UNC13C: variants seen among roughly 807,000 people sequenced by gnomAD.
The protein encoded by UNC13C is protein unc-13 homolog C.
UNC13C carries 174 observed loss-of-function variants against 245.4 expected under a neutral mutation model. That is an observed-to-expected ratio of 0.71 (90% CI 0.63 to 0.80). The LOEUF (loss-of-function observed/expected upper bound fraction) is 0.80, where lower values mean the gene tolerates loss of function less well. UNC13C is among the 30% of genes least tolerant of loss of function. The probability of loss-of-function intolerance (pLI) is 0.00; values close to 1 mark genes in which losing one functional copy is unlikely to be tolerated. For synonymous variants in UNC13C, 992 were observed against 895.1 expected (o/e 1.11, Z -1.93); for missense variants, 2,829 against 2,602.9 (o/e 1.09, Z -1.89).
chr15:54,396,479 T>G (rs79474451), intron 18 of UNC13C, among the ~76,000 whole-genome samples: 2,533 of 151,814 alleles, frequency 0.017, 62 homozygotes, highest in African/African-American at 0.059. Context: ...TATTTTTGAG[T>G]AGTATTCCAT....
intron 2 of UNC13C, among the ~76,000 whole-genome samples, chr15:54,096,911 TGA>T (rs1234337701): frequency 3.3e-5 from 5 of 152,202 alleles, no homozygotes; most frequent in Non-Finnish European, 1.5e-5. Context: ...CTATTTTAGG[TGA>T]GAGAGAGGAT....
chr15:54,593,213 G>T (rs1440912582), intron 30 of UNC13C, among the ~76,000 whole-genome samples: 5 of 152,100 alleles, frequency 3.3e-5, no homozygotes, highest in Non-Finnish European at 7.4e-5. Context: ...TAGGTTACCT[G>T]GTGCTTCTGT....
chr15:54,311,808 A>G (rs1004066887), intron 13 of UNC13C, among the ~76,000 whole-genome samples: 2 of 151,792 alleles, frequency 1.3e-5, no homozygotes, highest in East Asian at 1.9e-4. Context: ...TTCTTGTTCA[A>G]TGATATTTTA....
At chr15:54,451,870 C>T (rs898547404) in intron 19 of UNC13C, among the ~76,000 whole-genome samples, 1 of 152,024 alleles carries the variant, frequency 6.6e-6, no homozygotes, top group African/African-American at 2.4e-5. Context: ...ATCTGTGCAC[C>T]TGATATAACA....
chr15:54,142,880 G>T (rs2032087249), intron 2 of UNC13C, 138 bp from the exon 3 acceptor site: 3 of 720,796 alleles, frequency 4.2e-6, no homozygotes, highest in South Asian at 1.9e-5. Flanking sequence ...GTACCCTTGG[G>T]CTCAACCTTG....
intron 30 of UNC13C, among the ~76,000 whole-genome samples, chr15:54,600,931 A>G (rs1004217675): frequency 2.0e-5 from 3 of 152,104 alleles, no homozygotes; most frequent in Admixed American, 6.5e-5. Flanking sequence ...CATTGGAAGA[A>G]TAAGAATTGT....
chr15:54,120,521 A>G (rs1300439660), intron 2 of UNC13C, among the ~76,000 whole-genome samples: 1 of 152,168 alleles, frequency 6.6e-6, no homozygotes, highest in Non-Finnish European at 1.5e-5. Context: ...GTTCACACCT[A>G]CAAACACAAC....
chr15:54,191,519 A>T (rs2034182962), intron 4 of UNC13C, among the ~76,000 whole-genome samples: 1 of 152,204 alleles, frequency 6.6e-6, no homozygotes, highest in Non-Finnish European at 1.5e-5. Flanking sequence ...ATACGTGTGC[A>T]TGAGTCTTTA....
intron 18 of UNC13C, among the ~76,000 whole-genome samples, chr15:54,413,467 T>C (rs375833253): frequency 1.3e-5 from 2 of 152,174 alleles, no homozygotes; most frequent in African/African-American, 4.8e-5. Flanking sequence ...AAATGAAACC[T>C]TTTGAAATAA....
At chr15:54,469,819 T>C (rs1298297073) in intron 19 of UNC13C, among the ~76,000 whole-genome samples, 2 of 151,480 alleles carry the variant, frequency 1.3e-5, no homozygotes, top group East Asian at 3.9e-4. Flanking sequence ...AGAGTAGCCA[T>C]CCTTATATTG....
At chr15:53,927,588 A>G in the UNC13C span, among the ~76,000 whole-genome samples, 1 of 152,148 alleles carries the variant, frequency 6.6e-6, no homozygotes, top group South Asian at 2.1e-4. Context: ...TGTCATGTGG[A>G]CTTGAAAGCA....
the UNC13C span, among the ~76,000 whole-genome samples, chr15:53,964,908 A>G: frequency 6.6e-6 from 1 of 152,212 alleles, no homozygotes; most frequent in Non-Finnish European, 1.5e-5. Context: ...TCATACATGT[A>G]CATTACATGT....
chr15:53,838,439 T>C, the UNC13C span, among the ~76,000 whole-genome samples: 1 of 152,148 alleles, frequency 6.6e-6, no homozygotes, highest in East Asian at 1.9e-4. Context: ...ATGGATATGT[T>C]TTTATCAGGT....
intron 13 of UNC13C, chr15:54,321,435 CT>C: frequency 2.0e-6 from 1 of 494,732 alleles, no homozygotes; most frequent in Non-Finnish European, 4.0e-6. Flanking sequence ...TTCCACAACT[CT>C]TGCATCTGCC....
chr15:54,110,904 A>C (rs952905771), intron 2 of UNC13C, among the ~76,000 whole-genome samples: 1 of 152,182 alleles, frequency 6.6e-6, no homozygotes, highest in African/African-American at 2.4e-5. Flanking sequence ...GTTTTCCAAA[A>C]GTTTGCATAT....
intron 4 of UNC13C, among the ~76,000 whole-genome samples, chr15:54,198,399 T>C (rs1444598210): frequency 2.0e-5 from 3 of 152,170 alleles, no homozygotes; most frequent in African/African-American, 7.2e-5. Context: ...TAGAGGCCAA[T>C]CAATACAAAA....
intron 2 of UNC13C, among the ~76,000 whole-genome samples, chr15:54,020,415 C>T (rs1895846113): frequency 6.7e-6 from 1 of 148,216 alleles, no homozygotes; most frequent in African/African-American, 2.5e-5. Flanking sequence ...GCTGAGACTA[C>T]AGGCATGCAC....
At chr15:54,417,902 T>A (rs1398642521) in intron 19 of UNC13C, among the ~76,000 whole-genome samples, 1 of 151,858 alleles carries the variant, frequency 6.6e-6, no homozygotes, top group Non-Finnish European at 1.5e-5. Flanking sequence ...ATTGTTAAAA[T>A]TTCCTATATG....
intron 2 of UNC13C, among the ~76,000 whole-genome samples, chr15:54,069,059 C>T (rs1898201052): frequency 6.6e-6 from 1 of 152,184 alleles, no homozygotes; most frequent in African/African-American, 2.4e-5. Flanking sequence ...CATACAAATA[C>T]AGATGCTTAC....
Sources: allele counts gnomAD v4.1 joint callset (sites outside exome capture counted in the v4.1 genomes callset), GRCh38; gene constraint gnomAD v4.1.1; transcripts MANE v1.5; gene names NCBI Gene and HGNC (gene_info 2026-07-23, HGNC 2026-07-21).